EGFLAM: variants seen among roughly 807,000 people sequenced by gnomAD.
EGFLAM encodes pikachurin.
In EGFLAM, 79 loss-of-function variants were observed where a neutral mutation model predicts 113.1. The observed-to-expected ratio is 0.70, with a 90% CI of 0.58 to 0.84. The LOEUF is 0.84. Ranked by LOEUF, EGFLAM falls within the 40% of genes least tolerant of loss-of-function variation. The probability of loss-of-function intolerance (pLI) is 0.00; values close to 1 mark genes in which losing one functional copy is unlikely to be tolerated. For synonymous variants in EGFLAM, 504 were observed against 487.6 expected (o/e 1.03, Z -0.44); for missense variants, 1,265 against 1,291.6 (o/e 0.98, Z 0.32).
intron 1 of EGFLAM, among the ~76,000 whole-genome samples, chr5:38,275,929 G>T (rs550562223): frequency 6.6e-6 from 1 of 152,098 alleles, no homozygotes; most frequent in Non-Finnish European, 1.5e-5. Context: ...TGGGAAAATC[G>T]CAAATACATG....
At chr5:38,344,420 T>C (rs1739422876) in intron 3 of EGFLAM, among the ~76,000 whole-genome samples, 1 of 151,196 alleles carries the variant, frequency 6.6e-6, no homozygotes, top group South Asian at 2.1e-4. Context: ...TGGGAGGCAG[T>C]TGCAGTGAGC....
chr5:38,333,080 G>T (rs187723885), intron 1 of EGFLAM, among the ~76,000 whole-genome samples: 24 of 152,302 alleles, frequency 1.6e-4, no homozygotes, highest in Non-Finnish European at 3.5e-4. Flanking sequence ...GCATTAGTTT[G>T]CTCAGGATGA....
chr5:38,434,631 G>T (rs527685852), intron 15 of EGFLAM, among the ~76,000 whole-genome samples: 1 of 152,336 alleles, frequency 6.6e-6, no homozygotes, highest in Admixed American at 6.5e-5. Flanking sequence ...CCAATGGTTA[G>T]CTGCAGCTGT....
intron 10 of EGFLAM, 79 bp downstream of exon 10, chr5:38,409,183 A>T (rs1039591205): frequency 1.8e-6 from 2 of 1,100,094 alleles, no homozygotes; most frequent in African/African-American, 3.2e-5. Context: ...AGTATGAAAA[A>T]ATATATACAG....
intron 1 of EGFLAM, among the ~76,000 whole-genome samples, chr5:38,276,433 A>G (rs74701838): frequency 0.17 from 25,760 of 152,172 alleles, 2,341 homozygotes; most frequent in Non-Finnish European, 0.2. Flanking sequence ...AAGCAGTTCT[A>G]ATAGGGAATA....
In EGFLAM at chr5:38,448,297, C is replaced by G. The variant is rs1742788896; in HGVS notation, c.2465-4C>G. Reference sequence around the variant, plus strand: ...TGTAACCTCCTTTTTCTGTTCTGTCCCAGCGATCATAGAAGCCATTGAGAT... The same window carrying G: ...TGTAACCTCCTTTTTCTGTTCTGTCGCAGCGATCATAGAAGCCATTGAGAT... On this transcript the variant is annotated splice_polypyrimidine_tract_variant and splice_region_variant and intron_variant, in intron 17 of 21. Transcript: ENST00000322350. The G allele has an allele frequency of 1.2e-6, 2 of 1,614,100 alleles. No individual in the cohort carries two copies.
intron 1 of EGFLAM, among the ~76,000 whole-genome samples, chr5:38,319,700 G>A (rs900988258): frequency 2.0e-5 from 3 of 152,144 alleles, no homozygotes; most frequent in African/African-American, 7.2e-5. Flanking sequence ...TGGCATTTGG[G>A]GTGTTTGTTA....
At chr5:38,317,261 C>T (rs573082084) in intron 1 of EGFLAM, among the ~76,000 whole-genome samples, 93 of 152,080 alleles carry the variant, frequency 6.1e-4, no homozygotes, top group Non-Finnish European at 1.1e-3. Context: ...GGCAGAGATC[C>T]GCAATTCAGC....
intron 1 of EGFLAM, among the ~76,000 whole-genome samples, chr5:38,323,981 G>A (rs775361806): frequency 6.9e-6 from 1 of 145,782 alleles, no homozygotes; most frequent in East Asian, 2.0e-4. Flanking sequence ...GGCGGAGGTT[G>A]CAGTGAACTG....
chr5:38,270,933 G>C (rs1722817008), intron 1 of EGFLAM, among the ~76,000 whole-genome samples: 1 of 152,072 alleles, frequency 6.6e-6, no homozygotes, highest in African/African-American at 2.4e-5. Context: ...TGACAACATT[G>C]ACATAAATGT....
intron 1 of EGFLAM, among the ~76,000 whole-genome samples, chr5:38,307,553 A>T (rs1024007771): frequency 1.3e-5 from 2 of 152,194 alleles, no homozygotes; most frequent in African/African-American, 4.8e-5. Context: ...GAGTCAATTA[A>T]ACCTCTTTCC....
At chr5:38,417,092 G>T (rs1741665970) in intron 11 of EGFLAM, among the ~76,000 whole-genome samples, 1 of 152,130 alleles carries the variant, frequency 6.6e-6, no homozygotes, top group Non-Finnish European at 1.5e-5. Context: ...GGTAGCTCAT[G>T]CCAGTAATCC....
intron 1 of EGFLAM, among the ~76,000 whole-genome samples, chr5:38,261,474 T>A (rs1757499271): frequency 6.6e-6 from 1 of 152,166 alleles, no homozygotes; most frequent in African/African-American, 2.4e-5. Flanking sequence ...AATTGTGGCT[T>A]AGAGAGGTTA....
intron 5 of EGFLAM, among the ~76,000 whole-genome samples, chr5:38,364,871 A>T (rs1241843446): frequency 1.3e-5 from 2 of 152,174 alleles, no homozygotes; most frequent in African/African-American, 4.8e-5. Flanking sequence ...GAAAATACTT[A>T]GGGAGGGAGC....
At chr5:38,265,780 G>T (rs1433344547) in intron 1 of EGFLAM, among the ~76,000 whole-genome samples, 1 of 152,216 alleles carries the variant, frequency 6.6e-6, no homozygotes, top group Admixed American at 6.5e-5. Flanking sequence ...GCGGGTCTCC[G>T]CCCTCAGCAG....
Position 38,350,545 on chromosome 5 carries a change from G to A in EGFLAM, c.336G>A (p.Val112=). The A allele has an allele frequency of 1.2e-6, 2 of 1,614,080 alleles. No homozygotes were observed. Among genetic ancestry groups the A allele is most frequent in the Non-Finnish European group, 1.7e-6 (2 of 1,179,950 alleles). The change falls in exon 4 of 22, where the codon GTG becomes GTA. Residue 112 remains valine (V), a synonymous_variant. Transcript: ENST00000322350. ...GDLKPGTEYR[V]SIAAYSQAGK... ...TGAAACCAGGCACTGAATATCGTGT[G>A]AGCATAGCAGCTTACAGCCAGGCTG...
chr5:38,426,933 A>G, intron 13 of EGFLAM, 76 bp from the exon 14 acceptor site: 8 of 1,568,584 alleles, frequency 5.1e-6, no homozygotes, highest in Non-Finnish European at 6.0e-6. Context: ...CCAGGAGGGA[A>G]AGAACACAGC....
intron 12 of EGFLAM, among the ~76,000 whole-genome samples, chr5:38,422,220 A>G (rs1417068205): frequency 1.3e-5 from 2 of 152,124 alleles, no homozygotes; most frequent in Non-Finnish European, 2.9e-5. Context: ...AGAAACCTAC[A>G]CAACAACTGG....
chr5:38,427,358 C>T, intron 14 of EGFLAM, 106 bp downstream of exon 14: 10 of 1,514,844 alleles, frequency 6.6e-6, no homozygotes, highest in East Asian at 2.3e-5. Context: ...ATCCTGTCTT[C>T]TCTACATGCT....
Sources: allele counts gnomAD v4.1 joint callset (sites outside exome capture counted in the v4.1 genomes callset), GRCh38; gene constraint gnomAD v4.1.1; transcripts MANE v1.5; gene names NCBI Gene and HGNC (gene_info 2026-07-23, HGNC 2026-07-21).